The following OR2T10 variants were observed in gnomAD, a reference collection of about 807,000 sequenced individuals.
OR2T10 encodes olfactory receptor family 2 subfamily T member 10.
For missense variants in OR2T10, 335 were observed against 382.5 expected (o/e 0.88, Z 1.04); for synonymous variants, 125 against 141.8 (o/e 0.88, Z 0.84).
rs1168513757 is a variant in OR2T10 at position 248,590,780 on chromosome 1, T to A, written c.*2050A>T. 7.0e-6 allele frequency: 1 copy of A among 143,642 alleles called. No homozygotes were observed. The highest frequency in any genetic ancestry group is 1.5e-5 in the Non-Finnish European group (1 of 66,370). 8.9% of individuals were successfully genotyped at this position (143,642 alleles called of 1,614,324 possible). On this transcript the variant is annotated 3_prime_UTR_variant, in exon 2 of 2. Coordinates refer to ENST00000642090, the MANE Select transcript of OR2T10 (RefSeq NM_001004693.2). ...GCATGTACTCTTGATTTACTAAAGTTTAACACAAATTACTACCTCTACTAC... is the reference window on the plus strand; with the variant it reads ...GCATGTACTCTTGATTTACTAAAGTATAACACAAATTACTACCTCTACTAC...
In OR2T10 at chr1:248,592,807, A is replaced by T. The variant is rs1201340388; in HGVS notation, c.*23T>A. ...TGAAGAGAGACTCTAAGAAGAGAGG[A>T]CCAACTTAAGTTCTTTCACACTTTA... is the stretch of plus-strand genomic sequence containing the variant. On this transcript the variant is annotated 3_prime_UTR_variant, in exon 2 of 2. Transcript: ENST00000642090. The T allele has an allele frequency of 1.5e-6, 2 of 1,348,720 alleles. No homozygotes were observed. The highest frequency in any genetic ancestry group is 2.4e-5 in the East Asian group (1 of 42,504). The allele number at this position is 1,348,720 out of a possible 1,614,324, so 83.5% of individuals were successfully genotyped here.
Position 248,592,971 on chromosome 1 carries a change from T to G in OR2T10, c.798A>C (p.Gln266His), listed in dbSNP as rs61998193. 5.8e-4 allele frequency: 907 copies of G among 1,570,810 alleles called. 187 individuals are homozygous for G. In the African/African-American group the frequency reaches 0.012, roughly 21 times the overall value. ...ATGACATCATATCTTTCTCAGGAGT[T>G]TGGTAGGAGCTGGGGAGCATGTAGT... is the stretch of plus-strand genomic sequence containing the variant. ...IYNYMLPSSY[Q>H]TPEKDMMSSF... Residue 266 changes from glutamine (Q) to histidine (H), a missense_variant, in exon 2 of 2, where the codon CAA (glutamine) becomes CAC (histidine). By Grantham distance (24) the Gln-to-His change is conservative. Coordinates refer to ENST00000642090, the MANE Select transcript of OR2T10 (RefSeq NM_001004693.2).
At chr1:248,594,865 T>A (rs1352610806) in intron 1 of OR2T10, 1 of 143,692 alleles carries the variant, frequency 7.0e-6, no homozygotes, top group Non-Finnish European at 1.5e-5. Context: ...AGGTAGGTCA[T>A]CCTAAGGTTT....
At position 248,593,661 on chromosome 1, in the gene OR2T10, C is replaced by A; in HGVS notation, c.108G>T (p.Leu36Phe). ...ATGTAATATTCCAAGACACAGCCAT[C>A]AAAAATATACTGAAGATAAGCAAGC... ...RLCLLIFSIFLMAVSWNITLI... is the reference protein window; with the variant it reads ...RLCLLIFSIFFMAVSWNITLI... The change falls in exon 2 of 2, where the codon TTG becomes TTT. Residue 36 changes from leucine (L) to phenylalanine (F), a missense_variant. Coordinates refer to ENST00000642090, the MANE Select transcript of OR2T10 (RefSeq NM_001004693.2). 21 of 1,558,960 alleles carry A rather than the reference C, an allele frequency of 1.3e-5. 3 individuals are homozygous for A. The highest frequency in any genetic ancestry group is 1.7e-5 in the Non-Finnish European group (20 of 1,147,126).
In OR2T10 at chr1:248,593,069, G is replaced by A. The variant is rs771751855; in HGVS notation, c.700C>T (p.Arg234Trp). The A allele has an allele frequency of 1.8e-5, 28 of 1,571,470 alleles. 5 individuals are homozygous for A. The highest frequency in any genetic ancestry group is 1.1e-4 in the African/African-American group (7 of 66,534). The change falls in exon 2 of 2, where the codon CGG (arginine) becomes TGG (tryptophan). Residue 234 changes from arginine to tryptophan, a missense_variant. Arg to Trp is a moderately radical substitution (Grantham distance 101, BLOSUM62 -3). Coordinates refer to ENST00000642090, the MANE Select transcript of OR2T10 (RefSeq NM_001004693.2). ...GAGCAGGTGGTGAAGGCCTTTTTCCGACCCTCAACTGAGTTCATCTTATGG... is the reference window on the plus strand; with the variant it reads ...GAGCAGGTGGTGAAGGCCTTTTTCCAACCCTCAACTGAGTTCATCTTATGG... The part of the protein sequence containing the change: ...TIHKMNSVEG[R>W]KKAFTTCSSH...
chr1:248,596,612 C>G (rs1660095811), intron 1 of OR2T10, among the ~76,000 whole-genome samples: 1 of 143,406 alleles, frequency 7.0e-6, no homozygotes, highest in African/African-American at 2.7e-5. Context: ...CAAATGACAC[C>G]AGCACAGACG....
At chr1:248,594,834 T>C (rs1357304822) in intron 1 of OR2T10, 1 of 143,956 alleles carries the variant, frequency 6.9e-6, no homozygotes, top group East Asian at 2.0e-4. Flanking sequence ...TATCGTGACA[T>C]CCAACATATT....
rs753799830 is a variant in OR2T10 at position 248,593,352 on chromosome 1, C to T, written c.417G>A (p.Arg139=). ...AGCCTGATGCCAGGAGGAGACATAC[C>T]CTATGGCTCATGAGCACAGAGTAAC... ...PLRYSVLMSH[R]VCLLLASGCW... is the part of the protein sequence containing the mutation. Residue 139 remains arginine (R), a synonymous_variant, in exon 2 of 2, where the codon AGG becomes AGA. Transcript: ENST00000642090. The T allele has an allele frequency of 6.4e-7, 1 of 1,572,886 alleles. No homozygotes were observed. The highest frequency in any genetic ancestry group is 1.1e-5 in the South Asian group (1 of 88,906).
rs1659981748 is a variant in OR2T10 at position 248,590,661 on chromosome 1, C to T, written c.*2169G>A. 7.0e-6 allele frequency: 1 copy of T among 142,926 alleles called. No homozygotes were observed. Among genetic ancestry groups the T allele is most frequent in the Admixed American group, 6.8e-5 (1 of 14,656 alleles). 8.9% of individuals were successfully genotyped at this position (142,926 alleles called of 1,614,324 possible). ...TATTTGGCCCATCTGTTTCACGTCT[C>T]TTTTTCATTCTTTCGTTGCTTCTTT... On this transcript the variant is annotated 3_prime_UTR_variant, in exon 2 of 2. Transcript: ENST00000642090.
rs1156625253 is a variant in OR2T10, at chr1:248,591,914, T to C, written c.*916A>G. 9.4e-6 allele frequency: 1 copy of C among 106,624 alleles called. No homozygotes were observed. Among genetic ancestry groups the C allele is most frequent in the East Asian group, 2.4e-4 (1 of 4,250 alleles). The allele number at this position is 106,624 out of a possible 1,614,324, so 6.6% of individuals were successfully genotyped here. A position where few individuals can be genotyped will look rare whatever the true frequency, so the allele number is the denominator to read the frequency against. ...CACTAAAAATGGTGCCAGATCATAA[T>C]AATCACACAAGACGTTATAATTATT... is the stretch of plus-strand genomic sequence containing the variant. On this transcript the variant is annotated 3_prime_UTR_variant, in exon 2 of 2. Coordinates refer to ENST00000642090, the MANE Select transcript of OR2T10 (RefSeq NM_001004693.2).
chr1:248,592,675 T>A lies in OR2T10; in HGVS notation c.*155A>T. 1 of 523,692 alleles carries A rather than the reference T, an allele frequency of 1.9e-6. No homozygotes were observed. The highest frequency in any genetic ancestry group is 3.4e-6 in the Non-Finnish European group (1 of 297,372). 32.4% of individuals were successfully genotyped at this position (523,692 alleles called of 1,614,324 possible). A position where few individuals can be genotyped will look rare whatever the true frequency, so the allele number is the denominator to read the frequency against. On this transcript the variant is annotated 3_prime_UTR_variant, in exon 2 of 2. Coordinates refer to ENST00000642090, the MANE Select transcript of OR2T10 (RefSeq NM_001004693.2). ...GGGGATAAGTGAACATCATCTCAAG[T>A]GTGATTATAGGAGGGAAGAACACTG...
rs1173849871 is a variant in OR2T10, at chr1:248,593,240, A to G, written c.529T>C (p.Phe177Leu). The change falls in exon 2 of 2, where the codon TTC (phenylalanine) becomes CTC (leucine). Residue 177 changes from phenylalanine (F) to leucine (L), a missense_variant. Phe to Leu is a conservative substitution (Grantham distance 22). Transcript: ENST00000642090. The part of the protein sequence containing the change: ...PFCRSHEIQH[F>L]FCEVPAVLKL... ...AAAACAGCAGGGACCTCACAGAAGA[A>G]GTGCTGAATCTCATGGGATCTGCAG... 31 of 1,573,804 alleles carry G rather than the reference A, an allele frequency of 2.0e-5. 2 individuals are homozygous for G. Among genetic ancestry groups the G allele is most frequent in the African/African-American group, 3.0e-5 (2 of 66,912 alleles).
chr1:248,591,962 A>C lies in OR2T10; in HGVS notation c.*868T>G, dbSNP rs1660012220. ...ATTATGTTATTTGTTAAATACAAAT[A>C]CAACCATGCACATACGTAAAACTGT... On this transcript the variant is annotated 3_prime_UTR_variant, in exon 2 of 2. Transcript: ENST00000642090. 6.9e-6 allele frequency: 1 copy of C among 144,400 alleles called. No homozygotes were observed. Among genetic ancestry groups the C allele is most frequent in the African/African-American group, 2.7e-5 (1 of 36,846 alleles). 8.9% of individuals were successfully genotyped at this position (144,400 alleles called of 1,614,324 possible).
In OR2T10 at chr1:248,590,967, G is replaced by A. The variant is rs1659987302; in HGVS notation, c.*1863C>T. On this transcript the variant is annotated 3_prime_UTR_variant, in exon 2 of 2. Transcript: ENST00000642090. ...GTTTGTCATTTTTGCTTATATTTCT[G>A]AGTTTACTTTTGAGATAATTTTTCT... 1 of 143,286 alleles carries A rather than the reference G, an allele frequency of 7.0e-6. No individual in the cohort carries two copies. Among genetic ancestry groups the A allele is most frequent in the Non-Finnish European group, 1.5e-5 (1 of 66,252 alleles). The allele number at this position is 143,286 out of a possible 1,614,324, so 8.9% of individuals were successfully genotyped here.
chr1:248,596,028 A>G lies in OR2T10; in HGVS notation c.-29+1464T>C, dbSNP rs114880914. Among the ~76,000 whole-genome samples the G allele has an allele frequency of 7.5e-3, 1,069 of 143,480 alleles. 203 individuals carry two copies. Among genetic ancestry groups the G allele is most frequent in the African/African-American group, 0.028 (1,027 of 36,458 alleles). 94.1% of individuals were successfully genotyped at this position (143,480 alleles called of 152,430 possible). A position where few individuals can be genotyped will look rare whatever the true frequency, so the allele number is the denominator to read the frequency against. On this transcript the variant is annotated intron_variant, in intron 1 of 1. Transcript: ENST00000642090. ...AAAACAACTGCAAAATGTGAGAGTC[A>G]TGGTACGCCTGGACCAAAGGCGAAA... is the stretch of plus-strand genomic sequence containing the variant.
intron 1 of OR2T10, chr1:248,594,888 G>T (rs1157786246): frequency 7.0e-6 from 1 of 142,986 alleles, no homozygotes. Flanking sequence ...TCTCCCAGTG[G>T]TTCAAGCATG....
Position 248,593,607 on chromosome 1 carries a change from A to G in OR2T10, c.162T>C (p.Ser54=), listed in dbSNP as rs769047606. The G allele has an allele frequency of 6.4e-6, 10 of 1,565,340 alleles. No individual in the cohort carries two copies. In the Admixed American group the frequency reaches 1.7e-4, roughly 27 times the overall value. The change falls in exon 2 of 2, where the codon TCT becomes TCC. Residue 54 remains serine (S), a synonymous_variant. Coordinates refer to ENST00000642090, the MANE Select transcript of OR2T10 (RefSeq NM_001004693.2). ...TAAAGAAGTACATGGGAGTATGCAG[A>G]GAGGAGTCAATGTGGATCAGAAGTA... ...TLILLIHIDS[S]LHTPMYFFIN...
chr1:248,594,455 A>T lies in OR2T10; in HGVS notation c.-28-659T>A. 1.4e-5 allele frequency among the ~76,000 whole-genome samples: 2 copies of T among 144,036 alleles called. 1 individual carries two copies. The highest frequency in any genetic ancestry group is 3.0e-5 in the Non-Finnish European group (2 of 66,406). The allele number at this position is 144,036 out of a possible 152,430, so 94.5% of individuals were successfully genotyped here. ...TTACTTTTACACATATGTGATTTAT[A>T]AAATGTATTTTTATACTTCCACTTA... On this transcript the variant is annotated intron_variant, in intron 1 of 1. Transcript: ENST00000642090.
Position 248,593,842 on chromosome 1 carries a change from G to A in OR2T10, c.-28-46C>T, listed in dbSNP as rs571346984. ...TTATTTATAATCATGTGTGTACCAC[G>A]TAAAAGTATGTTTGCTTCACTTTAC... On this transcript the variant is annotated intron_variant, in intron 1 of 1. Coordinates refer to ENST00000642090, the MANE Select transcript of OR2T10 (RefSeq NM_001004693.2). The A allele has an allele frequency of 3.7e-5, 27 of 734,548 alleles. 3 individuals are homozygous for A. The highest frequency in any genetic ancestry group is 3.2e-4 in the Admixed American group (12 of 37,912). The allele number at this position is 734,548 out of a possible 1,614,324, so 45.5% of individuals were successfully genotyped here.
Sources: gnomAD v4.1 joint callset for allele counts (sites outside exome capture counted in the v4.1 genomes callset) on GRCh38, gnomAD v4.1.1 for gene constraint, MANE v1.5 for transcripts, NCBI Gene and HGNC (gene_info 2026-07-23, HGNC 2026-07-21) for gene names.